TMEFF2: variants seen among roughly 807,000 people sequenced by gnomAD.
TMEFF2 encodes the protein transmembrane protein with EGF like and two follistatin like domains 2, also known as tomoregulin-2.
A neutral mutation model predicts 53.8 loss-of-function variants in TMEFF2; 28 were observed. That is an observed-to-expected ratio of 0.52 (90% CI 0.39 to 0.71). TMEFF2 has a LOEUF of 0.71. TMEFF2 is among the 30% of genes least tolerant of loss of function. The pLI is 0.00. For missense variants in TMEFF2, 353 were observed against 455.2 expected, an observed-to-expected ratio of 0.78 and a Z score of 2.04; for synonymous variants, 162 against 166.3, an observed-to-expected ratio of 0.97 and a Z score of 0.20.
At chr2:191,964,315 C>CTTTCTTTCTTTCTTTCTTT (rs1559063225) in intron 7 of TMEFF2, among the ~76,000 whole-genome samples, 1 of 133,154 alleles carries the variant, frequency 7.5e-6, no homozygotes, top group African/African-American at 3.1e-5. Context: ...TTCTTTCTTT[C>CTTTCTTTCTTTCTTTCTTT]CTTCCTTCCT....
chr2:191,997,301 CTTT>C (rs1352866755), intron 7 of TMEFF2, among the ~76,000 whole-genome samples: 1 of 151,676 alleles, frequency 6.6e-6, no homozygotes, highest in Non-Finnish European at 1.5e-5. Flanking sequence ...TTTAAAATAT[CTTT>C]TTTATTTCCA....
chr2:192,087,727 A>C (rs1688698704), intron 4 of TMEFF2, among the ~76,000 whole-genome samples: 1 of 152,170 alleles, frequency 6.6e-6, no homozygotes, highest in Admixed American at 6.6e-5. Context: ...TGGGTGTGAC[A>C]CTGACAAATG....
chr2:191,986,988 CTG>C (rs1433727136), intron 7 of TMEFF2, among the ~76,000 whole-genome samples: 1 of 152,022 alleles, frequency 6.6e-6, no homozygotes, highest in Non-Finnish European at 1.5e-5. Flanking sequence ...CAGGCCAACT[CTG>C]GACTCCACAA....
At chr2:192,005,016 C>T (rs1281286029) in intron 5 of TMEFF2, among the ~76,000 whole-genome samples, 2 of 152,064 alleles carry the variant, frequency 1.3e-5, no homozygotes, top group East Asian at 3.8e-4. Flanking sequence ...GATCTCTTTT[C>T]TTCTAGGCTA....
At chr2:192,110,373 T>C (rs1485867356) in intron 4 of TMEFF2, among the ~76,000 whole-genome samples, 1 of 151,966 alleles carries the variant, frequency 6.6e-6, no homozygotes, top group East Asian at 1.9e-4. Context: ...TTAGAGGATA[T>C]AGACAATTAT....
chr2:192,061,909 G>A (rs879599736), intron 4 of TMEFF2, among the ~76,000 whole-genome samples: 6 of 152,136 alleles, frequency 3.9e-5, no homozygotes, highest in Non-Finnish European at 5.9e-5. Context: ...TATGCATTCT[G>A]CCATGAGTAA....
intron 4 of TMEFF2, among the ~76,000 whole-genome samples, chr2:192,163,449 A>C (rs1363276570): frequency 6.6e-6 from 1 of 152,248 alleles, no homozygotes; most frequent in Non-Finnish European, 1.5e-5. Flanking sequence ...TACATATCCT[A>C]CATAGAATAT....
At chr2:192,179,599 A>G in intron 4 of TMEFF2, 69 bp downstream of exon 4, 1 of 1,453,602 alleles carries the variant, frequency 6.9e-7, no homozygotes, top group Non-Finnish European at 9.3e-7. Context: ...GAAATGGAAC[A>G]TACATAAGTA....
chr2:192,101,228 C>T (rs900638101), intron 4 of TMEFF2, among the ~76,000 whole-genome samples: 7 of 152,112 alleles, frequency 4.6e-5, no homozygotes, highest in Admixed American at 2.6e-4. Context: ...GGGCAGCTTT[C>T]ACTGCAGGGC....
At chr2:191,970,743 CAT>C (rs1692614780) in intron 7 of TMEFF2, among the ~76,000 whole-genome samples, 1 of 151,854 alleles carries the variant, frequency 6.6e-6, no homozygotes, top group African/African-American at 2.4e-5. Context: ...CAATCAAACT[CAT>C]ATTGATAGAG....
chr2:192,142,835 G>C (rs1404700282), intron 4 of TMEFF2, among the ~76,000 whole-genome samples: 1 of 152,146 alleles, frequency 6.6e-6, no homozygotes, highest in Non-Finnish European at 1.5e-5. Flanking sequence ...ATTCCAACCA[G>C]ATTCCAACCA....
At chr2:192,158,891 T>C (rs1690570018) in intron 4 of TMEFF2, among the ~76,000 whole-genome samples, 1 of 152,124 alleles carries the variant, frequency 6.6e-6, no homozygotes, top group Non-Finnish European at 1.5e-5. Flanking sequence ...TATTCTTTAA[T>C]GTTTAACTCA....
At chr2:191,974,263 T>G (rs189986466) in intron 7 of TMEFF2, among the ~76,000 whole-genome samples, 236 of 152,084 alleles carry the variant, frequency 1.6e-3, no homozygotes, top group African/African-American at 5.4e-3. Flanking sequence ...GAGACAGAAT[T>G]TTTTTTGTGT....
At chr2:192,096,670 C>CTG (rs61068218) in intron 4 of TMEFF2, among the ~76,000 whole-genome samples, 1 of 53,702 alleles carries the variant, frequency 1.9e-5, no homozygotes, top group African/African-American at 1.4e-4. Flanking sequence ...CTCTCTCTCT[C>CTG]TTTTTTTTTT....
At chr2:192,075,756 G>A (rs1688418025) in intron 4 of TMEFF2, among the ~76,000 whole-genome samples, 1 of 151,722 alleles carries the variant, frequency 6.6e-6, no homozygotes. Context: ...TTAAATATTA[G>A]GAAGCACACT....
At chr2:191,976,017 A>G (rs1400857575) in intron 7 of TMEFF2, among the ~76,000 whole-genome samples, 1 of 152,192 alleles carries the variant, frequency 6.6e-6, no homozygotes, top group East Asian at 1.9e-4. Flanking sequence ...TCTGAACATA[A>G]GGTATGTTTG....
intron 2 of TMEFF2, among the ~76,000 whole-genome samples, chr2:192,189,736 G>T (rs1559165066): frequency 6.6e-6 from 1 of 151,930 alleles, no homozygotes; most frequent in Non-Finnish European, 1.5e-5. Flanking sequence ...GGACTCAAGA[G>T]ACTCTTAGCT....
chr2:192,071,578 G>T (rs935537255), intron 4 of TMEFF2, among the ~76,000 whole-genome samples: 5 of 151,778 alleles, frequency 3.3e-5, no homozygotes, highest in Non-Finnish European at 7.4e-5. Context: ...GTCTGCGAGG[G>T]ATTAGTTCCA....
At chr2:192,089,419 T>G (rs1688738630) in intron 4 of TMEFF2, among the ~76,000 whole-genome samples, 1 of 150,574 alleles carries the variant, frequency 6.6e-6, no homozygotes, top group Non-Finnish European at 1.5e-5. Flanking sequence ...TGAAATTCTG[T>G]GATAACTCCA....
Sources: gnomAD v4.1 joint callset for allele counts (sites outside exome capture counted in the v4.1 genomes callset) on GRCh38, gnomAD v4.1.1 for gene constraint, MANE v1.5 for transcripts, NCBI Gene and HGNC (gene_info 2026-07-23, HGNC 2026-07-21) for gene names.